Variants in SPIDR observed in about 807,000 individuals in gnomAD.
SPIDR encodes DNA repair-scaffolding protein.
Under a neutral mutation model 104.6 loss-of-function variants are expected in SPIDR, and 93 were observed. The observed-to-expected ratio is 0.89, with a 90% CI of 0.75 to 1.06. The LOEUF (loss-of-function observed/expected upper bound fraction) is 1.06, where lower values mean the gene tolerates loss of function less well. Among genes scored for constraint, SPIDR ranks in the 50% least tolerant of loss-of-function variants. SPIDR has a pLI of 0.00. For synonymous variants in SPIDR, 431 were observed against 416.9 expected (o/e 1.03, Z -0.41); for missense variants, 1,154 against 1,111.2 (o/e 1.04, Z -0.55).
At chr8:47,653,295 T>C (rs2072037192) in intron 10 of SPIDR, among the ~76,000 whole-genome samples, 1 of 152,152 alleles carries the variant, frequency 6.6e-6, no homozygotes, top group Non-Finnish European at 1.5e-5. Flanking sequence ...TGTTCCTTAC[T>C]CTATACCCAG....
At chr8:47,493,479 AC>A (rs140544307) in intron 8 of SPIDR, among the ~76,000 whole-genome samples, 2,747 of 152,276 alleles carry the variant, frequency 0.018, 83 homozygotes, top group African/African-American at 0.064. Flanking sequence ...TTGTTTTTTA[AC>A]ACTTCAGGAT....
chr8:47,648,540 TC>T (rs1343837842), intron 10 of SPIDR, among the ~76,000 whole-genome samples: 1 of 152,190 alleles, frequency 6.6e-6, no homozygotes, highest in East Asian at 1.9e-4. Flanking sequence ...TGCACACACT[TC>T]CCAGCTCTAC....
chr8:47,494,011 T>C (rs140628843), intron 8 of SPIDR, among the ~76,000 whole-genome samples: 1 of 152,196 alleles, frequency 6.6e-6, no homozygotes, highest in East Asian at 1.9e-4. Context: ...TTCCTTCTTT[T>C]CTCCTTCCCC....
chr8:47,397,033 G>A (rs963668181), intron 6 of SPIDR, among the ~76,000 whole-genome samples: 1 of 152,144 alleles, frequency 6.6e-6, no homozygotes. Context: ...CAGATGAGAC[G>A]TATCTGGTGT....
At chr8:47,713,324 C>T in intron 15 of SPIDR, 165 bp from the exon 16 acceptor site, 1 of 939,720 alleles carries the variant, frequency 1.1e-6, no homozygotes, top group Non-Finnish European at 1.6e-6. Flanking sequence ...TAGCTTAGCT[C>T]ATGGGGTTCA....
intron 8 of SPIDR, among the ~76,000 whole-genome samples, chr8:47,516,651 A>AT (rs896867697): frequency 3.3e-5 from 5 of 151,942 alleles, no homozygotes; most frequent in African/African-American, 7.3e-5. Flanking sequence ...TATATGCCAC[A>AT]TTTTTTTTAT....
chr8:47,529,329 A>C (rs2085539658), intron 8 of SPIDR, among the ~76,000 whole-genome samples: 1 of 152,130 alleles, frequency 6.6e-6, no homozygotes, highest in South Asian at 2.1e-4. Context: ...GAAGCAGGAG[A>C]ATCGTTTGAG....
intron 8 of SPIDR, among the ~76,000 whole-genome samples, chr8:47,583,188 C>T (rs1184221564): frequency 6.6e-6 from 1 of 151,360 alleles, no homozygotes; most frequent in Non-Finnish European, 1.5e-5. Flanking sequence ...CGCCTGTAGT[C>T]CCAGCTACTT....
At chr8:47,700,035 C>T (rs1229715682) in intron 11 of SPIDR, among the ~76,000 whole-genome samples, 2 of 152,206 alleles carry the variant, frequency 1.3e-5, no homozygotes, top group Admixed American at 6.5e-5. Context: ...CATAGATACA[C>T]ATACATACAC....
At chr8:47,456,548 G>T (rs2073011755) in intron 8 of SPIDR, among the ~76,000 whole-genome samples, 1 of 151,850 alleles carries the variant, frequency 6.6e-6, no homozygotes, top group South Asian at 2.1e-4. Flanking sequence ...TAATAAACAT[G>T]TGGAAATTAA....
chr8:47,361,062 A>C, intron 5 of SPIDR: 3 of 817,910 alleles, frequency 3.7e-6, no homozygotes, highest in Non-Finnish European at 4.4e-6. Flanking sequence ...TGATAAATGG[A>C]TTACATGACC....
In SPIDR at chr8:47,701,861, C is replaced by G; in HGVS notation, c.1914C>G (p.Leu638=). ...PPVTRCLRDI[L]QMNDLGTRCS... ...TTACCCGCTGCTTAAGAGACATTCT[C>G]CAGGTAATGTCTTTGTTTCTAACAG... Residue 638 remains leucine, a synonymous_variant, in exon 13 of 20, where the codon CTC becomes CTG. Coordinates refer to ENST00000297423, the MANE Select transcript of SPIDR (RefSeq NM_001080394.4). 6.2e-7 allele frequency: 1 copy of G among 1,614,146 alleles called. No homozygotes were observed. The highest frequency in any genetic ancestry group is 8.5e-7 in the Non-Finnish European group (1 of 1,180,046).
intron 11 of SPIDR, among the ~76,000 whole-genome samples, chr8:47,674,897 T>C (rs1479735136): frequency 6.6e-6 from 1 of 152,218 alleles, no homozygotes; most frequent in East Asian, 1.9e-4. Context: ...GAGTGACAGC[T>C]CTGCCCAAGA....
chr8:47,458,904 G>C (rs1275665450), intron 8 of SPIDR, among the ~76,000 whole-genome samples: 1 of 152,222 alleles, frequency 6.6e-6, no homozygotes, highest in South Asian at 2.1e-4. Context: ...AGGTGGTCAT[G>C]TGATTTTTGT....
intron 5 of SPIDR, among the ~76,000 whole-genome samples, chr8:47,333,700 A>G (rs539407651): frequency 2.0e-5 from 3 of 152,358 alleles, no homozygotes; most frequent in South Asian, 2.1e-4. Context: ...TATATGTGCT[A>G]TAGTTTTATA....
At chr8:47,499,925 G>T (rs1490795999) in intron 8 of SPIDR, among the ~76,000 whole-genome samples, 3 of 152,080 alleles carry the variant, frequency 2.0e-5, no homozygotes, top group Admixed American at 6.6e-5. Flanking sequence ...AGTTTGCTGA[G>T]ATTGATGGTT....
At chr8:47,615,340 T>G (rs1478595539) in intron 10 of SPIDR, among the ~76,000 whole-genome samples, 1 of 152,200 alleles carries the variant, frequency 6.6e-6, no homozygotes, top group Non-Finnish European at 1.5e-5. Context: ...CTCCTGTGTT[T>G]TTGTTCAAGA....
At chr8:47,514,885 ACATT>A (rs374972107) in intron 8 of SPIDR, among the ~76,000 whole-genome samples, 462 of 152,298 alleles carry the variant, frequency 3.0e-3, no homozygotes, top group African/African-American at 0.011. Context: ...CTTTTCAAAG[ACATT>A]CATTCTACCC....
intron 1 of SPIDR, among the ~76,000 whole-genome samples, chr8:47,272,919 A>G (rs2035625700): frequency 6.6e-6 from 1 of 152,174 alleles, no homozygotes; most frequent in Non-Finnish European, 1.5e-5. Context: ...GCAACATTTT[A>G]CCACTTCAAA....
Sources: gnomAD v4.1 joint callset for allele counts (sites outside exome capture counted in the v4.1 genomes callset) on GRCh38, gnomAD v4.1.1 for gene constraint, MANE v1.5 for transcripts, NCBI Gene and HGNC (gene_info 2026-07-23, HGNC 2026-07-21) for gene names.